LOC128462377: variants seen among roughly 807,000 people sequenced by gnomAD.
At chr16:89,364,959 T>C in the LOC128462377 span, among the ~76,000 whole-genome samples, 1 of 152,230 alleles carries the variant, frequency 6.6e-6, no homozygotes, top group Non-Finnish European at 1.5e-5. Context: ...CAACACTATG[T>C]TAATTTTCAA....
chr16:89,409,501 A>C, the LOC128462377 span, among the ~76,000 whole-genome samples: 1 of 152,148 alleles, frequency 6.6e-6, no homozygotes, highest in Non-Finnish European at 1.5e-5. Flanking sequence ...GGAGATGAGC[A>C]AGACAGCTAG....
the LOC128462377 span, among the ~76,000 whole-genome samples, chr16:89,378,950 T>C: frequency 2.6e-5 from 4 of 152,342 alleles, no homozygotes; most frequent in East Asian, 7.7e-4. Flanking sequence ...TTTCCAAGGC[T>C]GAAGACCTTT....
the LOC128462377 span, among the ~76,000 whole-genome samples, chr16:89,332,301 G>C: frequency 6.6e-6 from 1 of 152,148 alleles, no homozygotes; most frequent in African/African-American, 2.4e-5. Flanking sequence ...GAAACACCTG[G>C]TGAACGCTCT....
At chr16:89,375,965 G>A in the LOC128462377 span, among the ~76,000 whole-genome samples, 3 of 152,166 alleles carry the variant, frequency 2.0e-5, no homozygotes, top group African/African-American at 7.2e-5. Context: ...GCCGCAGCCT[G>A]TGCTCTGCTG....
chr16:89,399,155 G>A, the LOC128462377 span, among the ~76,000 whole-genome samples: 208 of 152,232 alleles, frequency 1.4e-3, 2 homozygotes, highest in African/African-American at 4.8e-3. Flanking sequence ...GACACAGCAC[G>A]AGTCCACGCA....
chr16:89,363,793 T>A, the LOC128462377 span, among the ~76,000 whole-genome samples: 1 of 152,144 alleles, frequency 6.6e-6, no homozygotes, highest in Non-Finnish European at 1.5e-5. Context: ...CGGTGACTCA[T>A]GCCTGGAGCA....
the LOC128462377 span, chr16:89,339,762 T>C: frequency 6.6e-6 from 1 of 152,204 alleles, no homozygotes; most frequent in African/African-American, 2.4e-5. Context: ...AAATTACAAA[T>C]TACATAATGG....
chr16:89,357,538 G>T, the LOC128462377 span, among the ~76,000 whole-genome samples: 6 of 152,186 alleles, frequency 3.9e-5, no homozygotes, highest in African/African-American at 1.2e-4. Flanking sequence ...CAAAAGAACT[G>T]AAAGCAGGGC....
At chr16:89,357,959 ATTTAGT>A in the LOC128462377 span, among the ~76,000 whole-genome samples, 1 of 152,218 alleles carries the variant, frequency 6.6e-6, no homozygotes, top group South Asian at 2.1e-4. Flanking sequence ...AAACAATCAG[ATTTAGT>A]TATGATGCTC....
chr16:89,406,428 AG>A, the LOC128462377 span, among the ~76,000 whole-genome samples: 1 of 152,194 alleles, frequency 6.6e-6, no homozygotes, highest in Non-Finnish European at 1.5e-5. Flanking sequence ...TCAGTCCTAG[AG>A]GAGAAGCAGC....
chr16:89,331,048 G>A, the LOC128462377 span, among the ~76,000 whole-genome samples: 2 of 152,162 alleles, frequency 1.3e-5, no homozygotes, highest in African/African-American at 4.8e-5. Context: ...CTGCCTCCCA[G>A]GTTCAAGCAA....
At chr16:89,330,897 G>C in the LOC128462377 span, among the ~76,000 whole-genome samples, 1 of 152,174 alleles carries the variant, frequency 6.6e-6, no homozygotes, top group Non-Finnish European at 1.5e-5. Flanking sequence ...TACAGTTCTA[G>C]TTAGTGCCAT....
At chr16:89,415,130 T>G in the LOC128462377 span, among the ~76,000 whole-genome samples, 2 of 151,936 alleles carry the variant, frequency 1.3e-5, no homozygotes, top group Non-Finnish European at 2.9e-5. Flanking sequence ...ATTTTTTTAT[T>G]TTTTGTAGAG....
chr16:89,371,153 G>A, the LOC128462377 span, among the ~76,000 whole-genome samples: 6 of 152,282 alleles, frequency 3.9e-5, no homozygotes, highest in Admixed American at 2.6e-4. Context: ...CAGGGTGCAC[G>A]TAAGTGGCTG....
the LOC128462377 span, among the ~76,000 whole-genome samples, chr16:89,344,661 C>T: frequency 6.6e-6 from 1 of 152,204 alleles, no homozygotes; most frequent in Non-Finnish European, 1.5e-5. Flanking sequence ...GAAATGAGGG[C>T]ACCCTCATGC....
At chr16:89,385,151 C>T in the LOC128462377 span, among the ~76,000 whole-genome samples, 6 of 151,762 alleles carry the variant, frequency 4.0e-5, no homozygotes, top group East Asian at 9.7e-4. Context: ...GCTGGGATTA[C>T]AGGCGTGAGC....
At chr16:89,372,255 G>A in the LOC128462377 span, among the ~76,000 whole-genome samples, 1 of 152,216 alleles carries the variant, frequency 6.6e-6, no homozygotes, top group South Asian at 2.1e-4. Flanking sequence ...TCCTCCTGCA[G>A]CCCGAGCCTC....
chr16:89,396,357 C>T, the LOC128462377 span, among the ~76,000 whole-genome samples: 2 of 152,172 alleles, frequency 1.3e-5, no homozygotes, highest in African/African-American at 4.8e-5. Flanking sequence ...CACACTCCCA[C>T]ACACACGCGA....
At chr16:89,347,490 A>T in the LOC128462377 span, among the ~76,000 whole-genome samples, 1 of 151,972 alleles carries the variant, frequency 6.6e-6, no homozygotes, top group African/African-American at 2.4e-5. Flanking sequence ...AGGCGCCGGT[A>T]GTCCCAGCTA....
Sources: gnomAD v4.1 joint callset for allele counts (sites outside exome capture counted in the v4.1 genomes callset) on GRCh38, gnomAD v4.1.1 for gene constraint, MANE v1.5 for transcripts.